The following TSPAN5 variants were observed in gnomAD, a reference collection of about 807,000 sequenced individuals.
TSPAN5 encodes tetraspanin-5.
A neutral mutation model predicts 37.1 loss-of-function variants in TSPAN5; 10 were observed. The ratio of observed to expected loss-of-function variants is 0.27; its 90% CI spans 0.17 to 0.46. The LOEUF (loss-of-function observed/expected upper bound fraction) is 0.46, where lower values mean the gene tolerates loss of function less well. Ranked by LOEUF, TSPAN5 falls within the 20% of genes least tolerant of loss-of-function variation. TSPAN5 has a pLI of 1.00. For synonymous variants in TSPAN5, 110 were observed against 118.9 expected (o/e 0.93, Z 0.48); for missense variants, 195 against 326.6 (o/e 0.60, Z 3.11).
intron 1 of TSPAN5, among the ~76,000 whole-genome samples, chr4:98,527,672 A>G (rs547859761): frequency 6.6e-6 from 1 of 152,260 alleles, no homozygotes; most frequent in East Asian, 1.9e-4. Flanking sequence ...CTCTGTTCTC[A>G]CCCCTACGTG....
intron 1 of TSPAN5, among the ~76,000 whole-genome samples, chr4:98,614,776 G>A (rs1217966411): frequency 6.6e-6 from 1 of 152,098 alleles, no homozygotes; most frequent in Non-Finnish European, 1.5e-5. Context: ...TCTGGATGAC[G>A]AATGCCATCT....
chr4:98,608,837 T>C (rs980428407), intron 1 of TSPAN5, among the ~76,000 whole-genome samples: 1 of 152,186 alleles, frequency 6.6e-6, no homozygotes, highest in Non-Finnish European at 1.5e-5. Flanking sequence ...GTCCACAACC[T>C]TATACTCGCC....
intron 1 of TSPAN5, among the ~76,000 whole-genome samples, chr4:98,566,801 C>T (rs1364010935): frequency 6.6e-6 from 1 of 152,228 alleles, no homozygotes; most frequent in Non-Finnish European, 1.5e-5. Context: ...CCATCTGGGA[C>T]AGGTGGGTGC....
At chr4:98,617,937 G>T (rs927809012) in intron 1 of TSPAN5, among the ~76,000 whole-genome samples, 1 of 152,208 alleles carries the variant, frequency 6.6e-6, no homozygotes, top group Non-Finnish European at 1.5e-5. Context: ...GAAACCATCT[G>T]TTCTAGAATT....
chr4:98,650,005 A>G (rs114882800), intron 1 of TSPAN5, among the ~76,000 whole-genome samples: 2,410 of 152,296 alleles, frequency 0.016, 55 homozygotes, highest in African/African-American at 0.056. Context: ...TCTGTACTCC[A>G]ATTTCTTCAT....
intron 1 of TSPAN5, among the ~76,000 whole-genome samples, chr4:98,533,125 A>T (rs1320623479): frequency 6.6e-6 from 1 of 152,180 alleles, no homozygotes; most frequent in African/African-American, 2.4e-5. Context: ...ATCAATGTTC[A>T]TCAGAGATAT....
In TSPAN5 at chr4:98,472,375, T is replaced by C. The variant is rs1334638625; in HGVS notation, c.*147A>G. 2 of 562,434 alleles carry C rather than the reference T, an allele frequency of 3.6e-6. No individual in the cohort carries two copies. The highest frequency in any genetic ancestry group is 6.1e-6 in the Non-Finnish European group (2 of 328,990). The allele number at this position is 562,434 out of a possible 1,614,324, so 34.8% of individuals were successfully genotyped here. ...TGTCAGTGAGCAGCATTTCCCAGTT[T>C]TACACTCCCCTAATGGCAGCTCCAT... On this transcript the variant is annotated 3_prime_UTR_variant, in exon 8 of 8. Transcript: ENST00000305798.
chr4:98,491,202 C>T (rs1264842241), intron 2 of TSPAN5, among the ~76,000 whole-genome samples: 1 of 152,206 alleles, frequency 6.6e-6, no homozygotes, highest in Non-Finnish European at 1.5e-5. Context: ...GAACACTTTA[C>T]ATCCACTCGG....
At chr4:98,643,178 G>A (rs1011022783) in intron 1 of TSPAN5, among the ~76,000 whole-genome samples, 2 of 152,082 alleles carry the variant, frequency 1.3e-5, no homozygotes, top group Non-Finnish European at 2.9e-5. Flanking sequence ...TGTACCTTGT[G>A]TATGTTTAGA....
chr4:98,630,043 A>C (rs1012104864), intron 1 of TSPAN5, among the ~76,000 whole-genome samples: 4 of 152,194 alleles, frequency 2.6e-5, no homozygotes, highest in African/African-American at 9.6e-5. Flanking sequence ...TAACATATGC[A>C]CTGACTGCAT....
intron 4 of TSPAN5, 44 bp from the exon 5 acceptor site, chr4:98,478,854 A>AAGC (rs1466044803): frequency 1.2e-6 from 2 of 1,605,314 alleles, no homozygotes; most frequent in East Asian, 4.5e-5. Flanking sequence ...ACTTGGAGGC[A>AAGC]AGCAGTCACC....
rs1338519811 is a variant in TSPAN5, at chr4:98,476,456, T to A, written c.581A>T (p.Asp194Val). Residue 194 changes from aspartate (D) to valine (V), a missense_variant, in exon 6 of 8, where the codon GAT becomes GTT. Physicochemically the swap from Asp to Val is radical, Grantham distance 152 (BLOSUM62 -3). Transcript: ENST00000305798. ...ATAGCCACACTGAGTGTTGATGACA[T>A]CTTCCTGGTGAAGAAAGGAAAGAGA... ...FSCCTKDPAE[D>V]VINTQCGYDA... The A allele has an allele frequency of 6.2e-7, 1 of 1,614,194 alleles. No individual in the cohort carries two copies. The highest frequency in any genetic ancestry group is 8.5e-7 in the Non-Finnish European group (1 of 1,180,026).
rs765708250 is a variant in TSPAN5 at position 98,476,460 on chromosome 4, C to T, written c.577G>A (p.Glu193Lys). 6.2e-7 allele frequency: 1 copy of T among 1,614,096 alleles called. No homozygotes were observed. The highest frequency in any genetic ancestry group is 8.5e-7 in the Non-Finnish European group (1 of 1,180,014). The part of the protein sequence containing the change: ...PFSCCTKDPA[E>K]DVINTQCGYD... ...CCACACTGAGTGTTGATGACATCTT[C>T]CTGGTGAAGAAAGGAAAGAGAAAAG... Residue 193 changes from glutamate to lysine, a missense_variant and splice_region_variant, in exon 6 of 8, where the codon GAA (glutamate) becomes AAA (lysine). Coordinates refer to ENST00000305798, the MANE Select transcript of TSPAN5 (RefSeq NM_005723.4).
intron 1 of TSPAN5, among the ~76,000 whole-genome samples, chr4:98,606,207 T>C (rs1756035308): frequency 1.3e-5 from 2 of 152,214 alleles, no homozygotes; most frequent in Non-Finnish European, 2.9e-5. Context: ...CAAAAGAAGC[T>C]TGATTTTATT....
At chr4:98,516,725 T>C (rs1753739422) in intron 1 of TSPAN5, among the ~76,000 whole-genome samples, 2 of 152,338 alleles carry the variant, frequency 1.3e-5, no homozygotes, top group Non-Finnish European at 2.9e-5. Context: ...GCAGCTGTTC[T>C]AGAGGTAACT....
chr4:98,500,225 T>C (rs1405506412), intron 2 of TSPAN5: 3 of 152,156 alleles, frequency 2.0e-5, no homozygotes, highest in African/African-American at 7.2e-5. Context: ...AATCAATGAA[T>C]CTCACTGAAT....
intron 1 of TSPAN5, among the ~76,000 whole-genome samples, chr4:98,557,867 A>C (rs1754788163): frequency 6.6e-6 from 1 of 152,228 alleles, no homozygotes; most frequent in African/African-American, 2.4e-5. Context: ...AATCTGAGGA[A>C]CATTCCACAA....
chr4:98,606,680 C>T (rs1179145875), intron 1 of TSPAN5, among the ~76,000 whole-genome samples: 1 of 152,186 alleles, frequency 6.6e-6, no homozygotes, highest in East Asian at 1.9e-4. Context: ...AATTATTGAA[C>T]ATATATGAAA....
intron 1 of TSPAN5, among the ~76,000 whole-genome samples, chr4:98,651,874 T>C (rs1365894889): frequency 6.9e-6 from 1 of 145,676 alleles, no homozygotes; most frequent in Non-Finnish European, 1.5e-5. Context: ...CTTTTTTTTT[T>C]TTTTTTTTTT....
Sources: gnomAD v4.1 joint callset for allele counts (sites outside exome capture counted in the v4.1 genomes callset) on GRCh38, gnomAD v4.1.1 for gene constraint, MANE v1.5 for transcripts, NCBI Gene and HGNC (gene_info 2026-07-23, HGNC 2026-07-21) for gene names.